The following PRSS23 variants were observed in gnomAD, a reference collection of about 807,000 sequenced individuals.
The protein encoded by PRSS23 is serine protease 23.
In PRSS23, 25 loss-of-function variants were observed where a neutral mutation model predicts 34.7. The observed-to-expected ratio is 0.72, with a 90% CI of 0.53 to 1.01. The LOEUF (loss-of-function observed/expected upper bound fraction) is 1.01, where lower values mean the gene tolerates loss of function less well. PRSS23 is among the 50% of genes least tolerant of loss of function. The pLI is 0.00. For synonymous variants in PRSS23, 176 were observed against 186.6 expected (o/e 0.94, Z 0.46); for missense variants, 445 against 475.6 (o/e 0.94, Z 0.60).
At chr11:86,903,322 C>T (rs1359774367) in intron 2 of PRSS23, among the ~76,000 whole-genome samples, 1 of 152,132 alleles carries the variant, frequency 6.6e-6, no homozygotes, top group African/African-American at 2.4e-5. Context: ...TTACAAGCTA[C>T]AGGTCACAAG....
chr11:86,856,489 A>G (rs994346587), intron 2 of PRSS23, among the ~76,000 whole-genome samples: 5 of 152,330 alleles, frequency 3.3e-5, no homozygotes, highest in African/African-American at 1.2e-4. Flanking sequence ...ACCTGCCTAA[A>G]TAGATTCCCT....
At chr11:86,826,072 G>A (rs1487604744) in intron 2 of PRSS23, among the ~76,000 whole-genome samples, 21 of 152,204 alleles carry the variant, frequency 1.4e-4, no homozygotes, top group Admixed American at 2.0e-4. Flanking sequence ...ACCTTGGGCC[G>A]TATGGCCATT....
chr11:86,924,005 A>T (rs553484526), intron 2 of PRSS23, among the ~76,000 whole-genome samples: 1 of 152,180 alleles, frequency 6.6e-6, no homozygotes, highest in East Asian at 1.9e-4. Flanking sequence ...ATCCTTAAAG[A>T]ATGGAGAGGA....
chr11:86,839,130 G>A (rs138568260), intron 2 of PRSS23, among the ~76,000 whole-genome samples: 13,740 of 152,068 alleles, frequency 0.09, 840 homozygotes, highest in Non-Finnish European at 0.13. Context: ...GAACAAAACT[G>A]GATGGAGAAT....
At chr11:86,837,320 A>G (rs1357601762) in intron 2 of PRSS23, 1 of 152,254 alleles carries the variant, frequency 6.6e-6, no homozygotes, top group Non-Finnish European at 1.5e-5. Flanking sequence ...ATTATAGTTG[A>G]TAGTTCATAA....
intron 2 of PRSS23, among the ~76,000 whole-genome samples, chr11:86,908,205 A>T (rs1176119913): frequency 6.6e-6 from 1 of 152,210 alleles, no homozygotes; most frequent in Non-Finnish European, 1.5e-5. Context: ...ATTCTTTTTA[A>T]TAAATACCCA....
intron 2 of PRSS23, among the ~76,000 whole-genome samples, chr11:86,868,301 A>AG (rs1948663825): frequency 6.6e-6 from 1 of 152,054 alleles, no homozygotes; most frequent in African/African-American, 2.4e-5. Flanking sequence ...GAAAGAGAAA[A>AG]CTGTTCTTCA....
At chr11:86,848,370 C>A (rs1190735750) in intron 2 of PRSS23, among the ~76,000 whole-genome samples, 1 of 152,168 alleles carries the variant, frequency 6.6e-6, no homozygotes, top group African/African-American at 2.4e-5. Context: ...GGAAAAATTG[C>A]CCACAGGGGA....
At chr11:86,853,339 C>G (rs998586986) in intron 2 of PRSS23, among the ~76,000 whole-genome samples, 3 of 147,400 alleles carry the variant, frequency 2.0e-5, no homozygotes, top group Non-Finnish European at 4.5e-5. Context: ...ACCGCAACCT[C>G]CGCCTCCCAG....
rs146160097 is a variant in PRSS23 at position 86,847,700 on chromosome 11, T to C, written c.206+24107T>C. ...AACCTTAAAAAAGAAGCAGCTAATT[T>C]TCTTCTGTACCACTGCCTGGCCACA... On this transcript the variant is annotated intron_variant, in intron 2 of 2. Coordinates refer to the PRSS23 transcript ENST00000533902. Among the ~76,000 whole-genome samples, 77 of 152,270 alleles carry C rather than the reference T, an allele frequency of 5.1e-4. No homozygotes were observed. In the East Asian group the frequency reaches 0.014, roughly 28 times the overall value.
rs1043747677 is a variant in PRSS23 at position 86,811,207 on chromosome 11, T to C, written c.*2412T>C. The C allele has an allele frequency of 6.0e-6, 1 of 167,022 alleles. No individual in the cohort carries two copies. The highest frequency in any genetic ancestry group is 1.5e-5 in the Non-Finnish European group (1 of 68,118). 10.3% of individuals were successfully genotyped at this position (167,022 alleles called of 1,614,324 possible). A position where few individuals can be genotyped will look rare whatever the true frequency, so the allele number is the denominator to read the frequency against. On this transcript the variant is annotated 3_prime_UTR_variant, in exon 2 of 2. Coordinates refer to ENST00000280258, the MANE Select transcript of PRSS23 (RefSeq NM_007173.6). ...ACAAGTTGAGGTTGTAAAATCTGCA[T>C]TTAAATAAACATCTTTGATCACAAA...
chr11:86,840,118 A>G (rs1267327701), intron 2 of PRSS23, among the ~76,000 whole-genome samples: 1 of 152,198 alleles, frequency 6.6e-6, no homozygotes, highest in African/African-American at 2.4e-5. Context: ...CTTAAATGTA[A>G]GTGGGCTAAA....
intron 2 of PRSS23, among the ~76,000 whole-genome samples, chr11:86,855,265 T>C (rs1405232599): frequency 6.6e-6 from 1 of 152,118 alleles, no homozygotes; most frequent in Non-Finnish European, 1.5e-5. Context: ...GGTAATAGCT[T>C]AAAAACTAGC....
chr11:86,823,487 C>T lies in PRSS23; in HGVS notation c.100C>T (p.Pro34Ser), dbSNP rs1464659501. ...AACAGTTTCGAATTCAATTCAACCA[C>T]CACCTCCTGAATACCAACTAGGTTC... Residue 34 changes from proline (P) to serine (S), a missense_variant, in exon 2 of 3, where the codon CCA (proline) becomes TCA (serine). Coordinates refer to the PRSS23 transcript ENST00000533902. The T allele has an allele frequency of 5.7e-6, 4 of 702,394 alleles. No homozygotes were observed. In the East Asian group the frequency reaches 8.0e-5, roughly 14 times the overall value. The allele number at this position is 702,394 out of a possible 1,614,324, so 43.5% of individuals were successfully genotyped here.
chr11:86,827,092 G>A (rs1948308002), intron 2 of PRSS23, among the ~76,000 whole-genome samples: 1 of 152,104 alleles, frequency 6.6e-6, no homozygotes, highest in African/African-American at 2.4e-5. Flanking sequence ...TTGTACCTCT[G>A]GTAGAATTCG....
intron 2 of PRSS23, among the ~76,000 whole-genome samples, chr11:86,880,747 T>C (rs1948767605): frequency 6.6e-6 from 1 of 152,190 alleles, no homozygotes; most frequent in Admixed American, 6.5e-5. Flanking sequence ...CATGCAGCAT[T>C]TGGTTTTCTG....
In PRSS23 at chr11:86,830,373, G is replaced by T. The variant is rs572442062; in HGVS notation, c.206+6780G>T. Among the ~76,000 whole-genome samples, 555 of 152,278 alleles carry T rather than the reference G, an allele frequency of 3.6e-3. 2 individuals carry two copies. Among genetic ancestry groups the T allele is most frequent in the Middle Eastern group, 0.01 (3 of 294 alleles). The stretch of plus-strand genomic sequence containing the variant: ...CGCAGTATTAGGGTGGGAGTGACCC[G>T]ATTTTCCAGGTGCCATCTGTCACCC... On this transcript the variant is annotated intron_variant, in intron 2 of 2. Coordinates refer to the PRSS23 transcript ENST00000533902.
intron 2 of PRSS23, among the ~76,000 whole-genome samples, chr11:86,859,176 A>T (rs1948594894): frequency 6.6e-6 from 1 of 151,966 alleles, no homozygotes; most frequent in African/African-American, 2.4e-5. Flanking sequence ...CCCCCCTGTG[A>T]TCTTGTTCCT....
chr11:86,851,010 C>A (rs1322554192), intron 2 of PRSS23, among the ~76,000 whole-genome samples: 1 of 152,124 alleles, frequency 6.6e-6, no homozygotes, highest in East Asian at 1.9e-4. Context: ...ACTTTCACAC[C>A]AATTCTTTGG....
Sources: gnomAD v4.1 joint callset for allele counts (sites outside exome capture counted in the v4.1 genomes callset) on GRCh38, gnomAD v4.1.1 for gene constraint, MANE v1.5 for transcripts, NCBI Gene and HGNC (gene_info 2026-07-23, HGNC 2026-07-21) for gene names.